The following TECTA variants were observed in gnomAD, a reference collection of about 807,000 sequenced individuals.
TECTA encodes alpha-tectorin.
A neutral mutation model predicts 216.8 loss-of-function variants in TECTA; 128 were observed. The observed-to-expected ratio is 0.59, with a 90% CI of 0.51 to 0.68. The LOEUF (loss-of-function observed/expected upper bound fraction) is 0.68. Ranked by LOEUF, TECTA falls within the 30% of genes least tolerant of loss-of-function variation. The pLI is 0.00. For synonymous variants in TECTA, 1,089 were observed against 1,117.1 expected (o/e 0.97, Z 0.50); for missense variants, 2,551 against 2,786.2 (o/e 0.92, Z 1.90).
At position 121,105,869 on chromosome 11, in the gene TECTA, G is replaced by C; in HGVS notation, c.103G>C (p.Asp35His). 1 of 1,614,158 alleles carries C rather than the reference G, an allele frequency of 6.2e-7. No homozygotes were observed. Among genetic ancestry groups the C allele is most frequent in the Non-Finnish European group, 8.5e-7 (1 of 1,180,018 alleles). Residue 35 changes from aspartate (D) to histidine (H), a missense_variant, in exon 3 of 24, where the codon GAC (aspartate) becomes CAC (histidine). By Grantham distance (81) the Asp-to-His change is moderately conservative. This residue lies in a region of TECTA where 2,375 missense variants were observed against 2,563.9 expected (regional missense o/e 0.93). Transcript: ENST00000392793. This position sits in a 1 kb window ranked among gnomAD's most constrained non-coding sequence, Gnocchi z 5.3. Reference protein sequence around the residue: ...RELMYPFWQNDTKTPKVDDGS... With the variant: ...RELMYPFWQNHTKTPKVDDGS... ...GCTCATGTATCCATTTTGGCAGAAT[G>C]ACACCAAAACCCCTAAAGTAGATGA...
In TECTA at chr11:121,125,559, A is replaced by G. The variant is rs202127508; in HGVS notation, c.1461A>G (p.Gly487=). The change falls in exon 8 of 24, where the codon GGA becomes GGG. Residue 487 remains glycine (G), a synonymous_variant. Transcript: ENST00000392793. ...CGGCCATGTCTGTCCTGGATCTGGG[A>G]GAGAGCTGGCGTGTGTACCACGCAG... is the stretch of plus-strand genomic sequence containing the variant. The part of the protein sequence containing the change: ...GRPAMSVLDL[G]ESWRVYHADW... The G allele has an allele frequency of 1.9e-4, 301 of 1,614,092 alleles. 2 individuals are homozygous for G. In the Admixed American group the frequency reaches 4.9e-3, roughly 26 times the overall value.
At chr11:121,137,275 A>C in intron 10 of TECTA, 146 bp from the exon 11 acceptor site, 2 of 1,054,302 alleles carry the variant, frequency 1.9e-6, no homozygotes, top group Non-Finnish European at 2.9e-6. Context: ...TGCATGCACA[A>C]ATGCATGCAT....
rs760594736 is a variant in TECTA, at chr11:121,162,274, A to C, written c.5176A>C (p.Lys1726Gln). ...SCYLDGCYSHKKFQLCGSLAA... is the reference protein window; with the variant it reads ...SCYLDGCYSHQKFQLCGSLAA... ...CTACCTGGACGGCTGCTACAGCCAC[A>C]AGAAGTTCCAGCTGTGCGGCTCCCT... The change falls in exon 16 of 24, where the codon AAG (lysine) becomes CAG (glutamine). Residue 1726 changes from lysine to glutamine, a missense_variant. This residue lies in a region of TECTA where 2,375 missense variants were observed against 2,563.9 expected (regional missense o/e 0.93). Coordinates refer to ENST00000392793, the MANE Select transcript of TECTA (RefSeq NM_005422.4). The C allele has an allele frequency of 6.2e-7, 1 of 1,613,908 alleles. No individual in the cohort carries two copies. Among genetic ancestry groups the C allele is most frequent in the Admixed American group, 1.7e-5 (1 of 60,032 alleles).
At chr11:121,109,922 C>G (rs535317697) in intron 4 of TECTA, 49 of 196,150 alleles carry the variant, frequency 2.5e-4, no homozygotes, top group Non-Finnish European at 4.7e-4. Context: ...CCTCTCTCCC[C>G]AGTAAAATTT....
chr11:121,150,435 C>A (rs1299993924), intron 12 of TECTA, among the ~76,000 whole-genome samples: 3 of 152,138 alleles, frequency 2.0e-5, no homozygotes, highest in African/African-American at 7.2e-5. Flanking sequence ...GATAATCTTG[C>A]AGTGGAGAGA....
intron 4 of TECTA, chr11:121,109,762 C>T (rs1439674186): frequency 1.5e-5 from 7 of 474,866 alleles, no homozygotes; most frequent in Non-Finnish European, 2.3e-5. Flanking sequence ...CAAAAACTTT[C>T]CTGCTGTAAG....
chr11:121,164,870 A>C (rs1271361237), intron 16 of TECTA, among the ~76,000 whole-genome samples: 1 of 152,176 alleles, frequency 6.6e-6, no homozygotes, highest in African/African-American at 2.4e-5. Flanking sequence ...AATGATCTGG[A>C]TGCTACTCTT....
intron 11 of TECTA, among the ~76,000 whole-genome samples, chr11:121,140,303 C>T (rs1946771419): frequency 6.6e-6 from 1 of 152,190 alleles, no homozygotes; most frequent in Non-Finnish European, 1.5e-5. Flanking sequence ...CCCTCTCCTT[C>T]ACAATAACCG....
chr11:121,153,156 T>A, intron 13 of TECTA, 76 bp downstream of exon 13: 1 of 1,517,210 alleles, frequency 6.6e-7, no homozygotes, highest in Non-Finnish European at 8.9e-7. Context: ...GTTGGTCAGA[T>A]TGACCAATTT....
In TECTA at chr11:121,105,297, A is replaced by G. The variant is rs1158036914; in HGVS notation, c.65-534A>G. On this transcript the variant is annotated intron_variant, in intron 2 of 23. Coordinates refer to ENST00000392793, the MANE Select transcript of TECTA (RefSeq NM_005422.4). The surrounding 1 kb of genome is among the most constrained non-coding windows in gnomAD (Gnocchi z 5.3). ...GGGCCGCCCTCAATCAAGGTCATTC[A>G]TGGGCCAATTGCTACAAATCCTCTC... 3.3e-5 allele frequency among the ~76,000 whole-genome samples: 5 copies of G among 152,234 alleles called. 1 individual carries two copies. Among genetic ancestry groups the G allele is most frequent in the Non-Finnish European group, 1.5e-5 (1 of 68,040 alleles).
chr11:121,114,068 T>TC (rs1220173620), intron 6 of TECTA, among the ~76,000 whole-genome samples: 1 of 152,094 alleles, frequency 6.6e-6, no homozygotes, highest in Admixed American at 6.5e-5. Context: ...TGCCATTTCC[T>TC]CCCCCCGCCC....
At chr11:121,159,906 A>C (rs891522544) in intron 14 of TECTA, among the ~76,000 whole-genome samples, 2 of 152,226 alleles carry the variant, frequency 1.3e-5, no homozygotes, top group African/African-American at 4.8e-5. Flanking sequence ...GGGGCCAGCA[A>C]ATCTGCTTGC....
chr11:121,164,721 G>A (rs181564610), intron 16 of TECTA, among the ~76,000 whole-genome samples: 1 of 152,232 alleles, frequency 6.6e-6, no homozygotes, highest in East Asian at 1.9e-4. Flanking sequence ...GGGGGAAAGT[G>A]GACCAAGAAT....
chr11:121,152,424 C>T (rs1454647641), intron 12 of TECTA, among the ~76,000 whole-genome samples: 7 of 152,144 alleles, frequency 4.6e-5, no homozygotes, highest in Non-Finnish European at 4.4e-5. Flanking sequence ...GGTGGGACTC[C>T]CACTGGCACT....
At chr11:121,174,402 G>T (rs968858545) in intron 20 of TECTA, among the ~76,000 whole-genome samples, 1 of 150,844 alleles carries the variant, frequency 6.6e-6, no homozygotes, top group Non-Finnish European at 1.5e-5. Flanking sequence ...TAGCATGAAG[G>T]GTTGTTGAAT....
rs756094257 is a variant in TECTA, at chr11:121,125,410, A to G, written c.1312A>G (p.Thr438Ala). The G allele has an allele frequency of 1.9e-6, 3 of 1,614,164 alleles. No homozygotes were observed. Among genetic ancestry groups the G allele is most frequent in the South Asian group, 1.1e-5 (1 of 91,078 alleles). The change falls in exon 8 of 24, where the codon ACT (threonine) becomes GCT (alanine). Residue 438 changes from threonine to alanine, a missense_variant. Coordinates refer to ENST00000392793, the MANE Select transcript of TECTA (RefSeq NM_005422.4). ...GGAAACAGATTTTGGGCTCTTAGTG[A>G]CTTTTGATGGCCAGCACTACGCCTC... ...AVETDFGLLV[T>A]FDGQHYASIS...
intron 16 of TECTA, 131 bp from the exon 17 acceptor site, chr11:121,165,142 C>G: frequency 1.2e-6 from 1 of 858,464 alleles, no homozygotes; most frequent in Middle Eastern, 2.2e-4. Flanking sequence ...GTTGCCCTGT[C>G]TGTTAACTGG....
intron 6 of TECTA, among the ~76,000 whole-genome samples, chr11:121,116,625 A>G (rs1946504652): frequency 6.6e-6 from 1 of 152,226 alleles, no homozygotes; most frequent in South Asian, 2.1e-4. Flanking sequence ...GTGCCTCCGG[A>G]CATATATCAA....
At chr11:121,138,722 C>T (rs781720195) in intron 11 of TECTA, among the ~76,000 whole-genome samples, 8 of 152,232 alleles carry the variant, frequency 5.3e-5, no homozygotes, top group Non-Finnish European at 1.0e-4. Context: ...GTGCACTCCT[C>T]GTCTGGCCTG....
Sources: gnomAD v4.1 joint callset for allele counts (sites outside exome capture counted in the v4.1 genomes callset) on GRCh38, gnomAD v4.1.1 for gene constraint, gnomAD v4.1.1 regional missense constraint, Gnocchi (gnomAD v3.1) non-coding constraint, MANE v1.5 for transcripts, NCBI Gene and HGNC (gene_info 2026-07-23, HGNC 2026-07-21) for gene names.